CCSER1: variants seen among roughly 807,000 people sequenced by gnomAD.
CCSER1 encodes coiled-coil serine rich protein 1.
CCSER1 carries 41 observed loss-of-function variants against 82.0 expected under a neutral mutation model. That is an observed-to-expected ratio of 0.50 (90% CI 0.39 to 0.65). CCSER1 has a LOEUF of 0.65. Among genes scored for constraint, CCSER1 ranks in the 30% least tolerant of loss-of-function variants. CCSER1 has a pLI of 0.00. For synonymous variants in CCSER1, 414 were observed against 383.9 expected (o/e 1.08, Z -0.92); for missense variants, 1,119 against 1,064.2 (o/e 1.05, Z -0.72).
intron 4 of CCSER1, among the ~76,000 whole-genome samples, chr4:90,443,669 C>T (rs1209380505): frequency 1.3e-5 from 2 of 152,006 alleles, no homozygotes; most frequent in Non-Finnish European, 2.9e-5. Flanking sequence ...TTATATTTTT[C>T]ATTGGCTTCA....
intron 5 of CCSER1, among the ~76,000 whole-genome samples, chr4:90,528,557 T>C (rs1774074757): frequency 6.6e-6 from 1 of 152,190 alleles, no homozygotes; most frequent in Non-Finnish European, 1.5e-5. Flanking sequence ...ATGGATACTC[T>C]GGGTTATAAT....
chr4:91,090,974 G>A (rs1723883391), intron 10 of CCSER1, among the ~76,000 whole-genome samples: 1 of 152,108 alleles, frequency 6.6e-6, no homozygotes, highest in East Asian at 1.9e-4. Context: ...TCATGCAGGA[G>A]GGGCTTCCTT....
chr4:91,601,173 A>AAGAT lies in CCSER1; in HGVS notation c.*2120_*2123dup, dbSNP rs1317567600. ...GGAGTTGATAGTTTTGTTTTCCTGGAAGATAGACTTTTGAATTATACTTTA... is the reference window on the plus strand; with the variant it reads ...GGAGTTGATAGTTTTGTTTTCCTGGAAGATAGATAGACTTTTGAATTATACTTTA... On this transcript the variant is annotated 3_prime_UTR_variant, in exon 11 of 11. Transcript: ENST00000509176. 6.6e-6 allele frequency: 1 copy of AAGAT among 152,068 alleles called. No individual in the cohort carries two copies. The highest frequency in any genetic ancestry group is 1.5e-5 in the Non-Finnish European group (1 of 67,964). 9.4% of individuals were successfully genotyped at this position (152,068 alleles called of 1,614,324 possible).
At chr4:90,688,234 G>GTCAATACCCATT (rs1469223222) in intron 6 of CCSER1, among the ~76,000 whole-genome samples, 5 of 152,074 alleles carry the variant, frequency 3.3e-5, no homozygotes, top group African/African-American at 7.2e-5. Context: ...TGCTGTCACT[G>GTCAATACCCATT]TCAATACCCA....
intron 1 of CCSER1, among the ~76,000 whole-genome samples, chr4:90,223,362 T>C (rs1742528683): frequency 6.6e-6 from 1 of 152,234 alleles, no homozygotes; most frequent in South Asian, 2.1e-4. Context: ...CTTCTTTACA[T>C]TTTAGCATTT....
chr4:91,140,562 T>C (rs1189534928), intron 10 of CCSER1, among the ~76,000 whole-genome samples: 1 of 152,120 alleles, frequency 6.6e-6, no homozygotes, highest in African/African-American at 2.4e-5. Context: ...TTCAAGAAAG[T>C]ATTAATTCAT....
chr4:91,492,044 G>A (rs1199492730), intron 10 of CCSER1, among the ~76,000 whole-genome samples: 1 of 146,880 alleles, frequency 6.8e-6, no homozygotes, highest in Non-Finnish European at 1.5e-5. Flanking sequence ...TGTAAATAAT[G>A]TTCTCTGGCC....
chr4:90,994,671 G>A (rs1376887685), intron 9 of CCSER1, among the ~76,000 whole-genome samples: 2 of 152,140 alleles, frequency 1.3e-5, no homozygotes, highest in Non-Finnish European at 2.9e-5. Context: ...AGCTGTGATT[G>A]AAACTAAGTC....
chr4:90,643,904 C>G (rs1387429963), intron 6 of CCSER1, among the ~76,000 whole-genome samples: 2 of 152,056 alleles, frequency 1.3e-5, no homozygotes, highest in East Asian at 3.9e-4. Context: ...TTCTCTTTCC[C>G]CCTTAAAAAG....
chr4:91,256,142 G>C (rs180917879), intron 10 of CCSER1, among the ~76,000 whole-genome samples: 1 of 151,244 alleles, frequency 6.6e-6, no homozygotes, highest in African/African-American at 2.4e-5. Context: ...CTGGTTGGGT[G>C]GGGGGGCCCT....
chr4:90,948,735 T>G (rs1732557584), intron 9 of CCSER1, among the ~76,000 whole-genome samples: 1 of 152,032 alleles, frequency 6.6e-6, no homozygotes. Context: ...AATATCAGAC[T>G]ATTAAGTTCA....
chr4:90,273,683 A>G lies in CCSER1; in HGVS notation c.-41-34561A>G, dbSNP rs1002389743. Among the ~76,000 whole-genome samples, 4 of 152,254 alleles carry G rather than the reference A, an allele frequency of 2.6e-5. No homozygotes were observed. In the East Asian group the frequency reaches 7.7e-4, roughly 29 times the overall value. On this transcript the variant is annotated intron_variant, in intron 1 of 10. Coordinates refer to ENST00000509176, the MANE Select transcript of CCSER1 (RefSeq NM_001145065.2). ...CATATAAAACTTTGCCTCTTTATTGAAAAACACATTCTGAGGTCAATCTCA... is the reference window on the plus strand; with the variant it reads ...CATATAAAACTTTGCCTCTTTATTGGAAAACACATTCTGAGGTCAATCTCA...
At position 91,444,884 on chromosome 4, in the gene CCSER1, C is replaced by T. The variant is rs1040949684; in HGVS notation, c.2218-153688C>T. Among the ~76,000 whole-genome samples the T allele has an allele frequency of 3.9e-5, 6 of 152,200 alleles. No homozygotes were observed. In the East Asian group the frequency reaches 1.2e-3, roughly 29 times the overall value. ...CTCAATTTATTGGTGAGGTCAATTA[C>T]TAAAATTCAGTGGCCTTCCTCACAC... On this transcript the variant is annotated intron_variant, in intron 10 of 10. Coordinates refer to ENST00000509176, the MANE Select transcript of CCSER1 (RefSeq NM_001145065.2).
intron 10 of CCSER1, among the ~76,000 whole-genome samples, chr4:91,175,161 T>C (rs1733195048): frequency 2.0e-5 from 3 of 152,228 alleles, no homozygotes. Flanking sequence ...CTCATCCTTT[T>C]TTATGGCTGT....
intron 10 of CCSER1, among the ~76,000 whole-genome samples, chr4:91,293,561 T>A (rs941015853): frequency 6.6e-6 from 1 of 152,004 alleles, no homozygotes; most frequent in African/African-American, 2.4e-5. Context: ...TATAAGTAAA[T>A]ATGCATTGAA....
At chr4:90,911,597 G>A (rs981256150) in intron 8 of CCSER1, among the ~76,000 whole-genome samples, 17 of 152,258 alleles carry the variant, frequency 1.1e-4, no homozygotes, top group African/African-American at 3.6e-4. Context: ...CTGAGGTACC[G>A]GGTTCATCTC....
chr4:90,971,049 G>A (rs1297259962), intron 9 of CCSER1, among the ~76,000 whole-genome samples: 2 of 151,762 alleles, frequency 1.3e-5, no homozygotes, highest in South Asian at 4.2e-4. Flanking sequence ...TTAGCAGAAG[G>A]AAGGAAATAG....
At chr4:90,160,502 GA>G (rs1729235486) in intron 1 of CCSER1, among the ~76,000 whole-genome samples, 1 of 152,152 alleles carries the variant, frequency 6.6e-6, no homozygotes, top group African/African-American at 2.4e-5. Context: ...TCAAAACAAA[GA>G]AGATGGCTAA....
intron 8 of CCSER1, among the ~76,000 whole-genome samples, chr4:90,843,030 G>A (rs747390654): frequency 6.6e-6 from 1 of 152,138 alleles, no homozygotes; most frequent in Non-Finnish European, 1.5e-5. Context: ...GACATCTCTT[G>A]AAAAGAGTCA....
Sources: allele counts gnomAD v4.1 joint callset (sites outside exome capture counted in the v4.1 genomes callset), GRCh38; gene constraint gnomAD v4.1.1; transcripts MANE v1.5; gene names NCBI Gene and HGNC (gene_info 2026-07-23, HGNC 2026-07-21).